HS1BP3: variants seen among roughly 807,000 people sequenced by gnomAD.
The protein encoded by HS1BP3 is HCLS1 binding protein 3.
Under a neutral mutation model 33.5 loss-of-function variants are expected in HS1BP3, and 32 were observed. The observed-to-expected ratio is 0.95, with a 90% CI of 0.72 to 1.28. The LOEUF (loss-of-function observed/expected upper bound fraction) is 1.28, where lower values mean the gene tolerates loss of function less well. HS1BP3 is among the 50% of genes most tolerant of loss of function. The pLI is 0.00. For synonymous variants in HS1BP3, 187 were observed against 209.2 expected (o/e 0.89, Z 0.92); for missense variants, 486 against 502.3 (o/e 0.97, Z 0.31).
At chr2:20,606,804 G>A (rs1053442873) in intron 2 of HS1BP3, 1 of 195,764 alleles carries the variant, frequency 5.1e-6, no homozygotes, top group African/African-American at 2.4e-5. Flanking sequence ...TTTAAATTGG[G>A]TTATTTGTTG....
intron 3 of HS1BP3, among the ~76,000 whole-genome samples, chr2:20,594,304 C>T (rs975667684): frequency 3.9e-5 from 6 of 152,304 alleles, no homozygotes; most frequent in South Asian, 2.1e-4. Flanking sequence ...AACACGTCCA[C>T]GTGAGTCTAT....
intron 4 of HS1BP3, among the ~76,000 whole-genome samples, chr2:20,634,112 G>T (rs1695048550): frequency 6.6e-6 from 1 of 152,252 alleles, no homozygotes; most frequent in Non-Finnish European, 1.5e-5. Context: ...GGAAAGCCCA[G>T]CCCGAGCAGG....
chr2:20,645,397 G>C lies in HS1BP3; in HGVS notation c.141C>G (p.Thr47=). The C allele has an allele frequency of 6.2e-7, 1 of 1,614,086 alleles. No homozygotes were observed. Among genetic ancestry groups the C allele is most frequent in the South Asian group, 1.1e-5 (1 of 91,072 alleles). The change falls in exon 2 of 7, where the codon ACC becomes ACG. Residue 47 remains threonine (T), a synonymous_variant. Coordinates refer to ENST00000304031, the MANE Select transcript of HS1BP3 (RefSeq NM_022460.4). Reference sequence around the variant, plus strand: ...TGGCCGACTTGAACGCAGCCAGACGGGTCACCACCAGGATCTGGTACTCCA... The same window carrying C: ...TGGCCGACTTGAACGCAGCCAGACGCGTCACCACCAGGATCTGGTACTCCA... ...GHVEYQILVV[T]RLAAFKSAKH...
At chr2:20,637,072 C>T (rs906239625) in intron 4 of HS1BP3, 1 of 136,262 alleles carries the variant, frequency 7.3e-6, no homozygotes, top group Non-Finnish European at 1.5e-5. Context: ...GGATAGCTGA[C>T]ACATCTCCCC....
chr2:20,624,064 A>T, intron 5 of HS1BP3, 33 bp from the exon 6 acceptor site: 1 of 1,606,908 alleles, frequency 6.2e-7, no homozygotes, highest in Non-Finnish European at 8.5e-7. Flanking sequence ...GGGTCAGAGG[A>T]AGCCTCTAGG....
chr2:20,631,926 G>A (rs1029324473), intron 4 of HS1BP3, among the ~76,000 whole-genome samples: 2 of 152,234 alleles, frequency 1.3e-5, no homozygotes, highest in African/African-American at 4.8e-5. Context: ...ACAGTCTGCA[G>A]TAACCTGCCC....
At chr2:20,620,609 G>T (rs1056584550) in intron 6 of HS1BP3, among the ~76,000 whole-genome samples, 1 of 152,136 alleles carries the variant, frequency 6.6e-6, no homozygotes, top group African/African-American at 2.4e-5. Context: ...ACTGGCTTCC[G>T]TTCCTCACCC....
chr2:20,598,604 G>C (rs1693999790), intron 2 of HS1BP3, among the ~76,000 whole-genome samples: 1 of 129,126 alleles, frequency 7.7e-6, no homozygotes, highest in Non-Finnish European at 1.5e-5. Context: ...TGTCGCCCAG[G>C]CTGGAGTGCA....
At chr2:20,604,441 A>G (rs1423409471) in intron 2 of HS1BP3, among the ~76,000 whole-genome samples, 2 of 152,186 alleles carry the variant, frequency 1.3e-5, no homozygotes, top group Non-Finnish European at 2.9e-5. Context: ...TCCTCGTGTT[A>G]GAGACAGGTC....
intron 3 of HS1BP3, among the ~76,000 whole-genome samples, chr2:20,639,232 G>A (rs1305301060): frequency 6.6e-6 from 1 of 152,210 alleles, no homozygotes; most frequent in Non-Finnish European, 1.5e-5. Context: ...TGGCTTAGAT[G>A]AGCGCTTCTT....
At chr2:20,580,745 T>A (rs561743118) in intron 5 of HS1BP3, among the ~76,000 whole-genome samples, 1 of 152,328 alleles carries the variant, frequency 6.6e-6, no homozygotes, top group East Asian at 1.9e-4. Context: ...CCAAGTCAGA[T>A]AATATCAAGT....
intron 5 of HS1BP3, among the ~76,000 whole-genome samples, chr2:20,584,466 G>A (rs1232731936): frequency 6.6e-6 from 1 of 152,236 alleles, no homozygotes; most frequent in African/African-American, 2.4e-5. Context: ...GGGCCATTGT[G>A]CACCACTTCT....
intron 6 of HS1BP3, among the ~76,000 whole-genome samples, chr2:20,621,547 C>G (rs1439507714): frequency 6.6e-6 from 1 of 152,232 alleles, no homozygotes; most frequent in East Asian, 1.9e-4. Flanking sequence ...AGTGGCAGCC[C>G]TTCCTTGACT....
chr2:20,562,438 C>T (rs1225250396), intron 5 of HS1BP3, among the ~76,000 whole-genome samples: 1 of 152,110 alleles, frequency 6.6e-6, no homozygotes, highest in African/African-American at 2.4e-5. Flanking sequence ...ATGATCACTC[C>T]ACTGCACTTT....
intron 5 of HS1BP3, among the ~76,000 whole-genome samples, chr2:20,581,498 C>T (rs528041334): frequency 6.6e-6 from 1 of 152,202 alleles, no homozygotes; most frequent in South Asian, 2.1e-4. Flanking sequence ...TACAGGCGTG[C>T]ACCACCATGC....
At chr2:20,558,620 A>G (rs968276228), downstream of HS1BP3, among the ~76,000 whole-genome samples, 4 of 152,252 alleles carry the variant, frequency 2.6e-5, no homozygotes, top group Non-Finnish European at 2.9e-5. Flanking sequence ...TGTGAATTCT[A>G]CCTTCAAGGG....
downstream of HS1BP3, among the ~76,000 whole-genome samples, chr2:20,588,075 G>GT (rs1693724954): frequency 6.6e-6 from 1 of 151,566 alleles, no homozygotes; most frequent in African/African-American, 2.4e-5. Flanking sequence ...GAATACTAGG[G>GT]CACCCCAAGC....
chr2:20,556,614 C>T (rs1279825250), downstream of HS1BP3, among the ~76,000 whole-genome samples: 1 of 152,118 alleles, frequency 6.6e-6, no homozygotes, highest in African/African-American at 2.4e-5. Context: ...CCAGGTTGGC[C>T]CCTCAGAGAA....
rs554497491 is a variant in HS1BP3, at chr2:20,566,732, G to A, written c.303-6217C>T. ...AGCGATTCTCCTGCCTCAGCCTCCCGACTAGCTGGGATTACAGGCACACAC... is the reference window on the plus strand; with the variant it reads ...AGCGATTCTCCTGCCTCAGCCTCCCAACTAGCTGGGATTACAGGCACACAC... On this transcript the variant is annotated intron_variant, in intron 5 of 5. Coordinates refer to the HS1BP3 transcript ENST00000446825. Among the ~76,000 whole-genome samples, 78 of 151,412 alleles carry A rather than the reference G, an allele frequency of 5.2e-4. 1 individual carries two copies. In the South Asian group the frequency reaches 0.016, roughly 30 times the overall value.
Sources: gnomAD v4.1 joint callset for allele counts (sites outside exome capture counted in the v4.1 genomes callset) on GRCh38, gnomAD v4.1.1 for gene constraint, MANE v1.5 for transcripts, NCBI Gene and HGNC (gene_info 2026-07-23, HGNC 2026-07-21) for gene names.